ABTB2: variants seen among roughly 807,000 people sequenced by gnomAD.
ABTB2 encodes the protein ankyrin repeat and BTB/POZ domain-containing protein 2.
ABTB2 carries 56 observed loss-of-function variants against 104.1 expected under a neutral mutation model. The ratio of observed to expected loss-of-function variants is 0.54; its 90% CI spans 0.43 to 0.67. The LOEUF (loss-of-function observed/expected upper bound fraction) is 0.67, where lower values mean the gene tolerates loss of function less well. Ranked by LOEUF, ABTB2 falls within the 30% of genes least tolerant of loss-of-function variation. ABTB2 has a pLI of 0.00. For synonymous variants in ABTB2, 606 were observed against 608.2 expected (o/e 1.00, Z 0.05); for missense variants, 1,279 against 1,407.7 (o/e 0.91, Z 1.46).
At chr11:34,288,454 G>A (rs182859462) in intron 1 of ABTB2, among the ~76,000 whole-genome samples, 5 of 152,264 alleles carry the variant, frequency 3.3e-5, no homozygotes, top group Admixed American at 2.6e-4. Flanking sequence ...AACAATCAAA[G>A]ATTTCCAATA....
chr11:34,195,384 C>T (rs906715634), intron 3 of ABTB2, among the ~76,000 whole-genome samples: 10 of 152,242 alleles, frequency 6.6e-5, no homozygotes, highest in Non-Finnish European at 1.0e-4. Flanking sequence ...TTGGCCCCAG[C>T]TCCCGCCAAA....
In ABTB2 at chr11:34,161,024, G is replaced by C; in HGVS notation, c.2276C>G (p.Ser759Trp). Residue 759 changes from serine (S) to tryptophan (W), a missense_variant, in exon 11 of 17, where the codon TCG (serine) becomes TGG (tryptophan). Ser to Trp is a radical substitution (Grantham distance 177, BLOSUM62 -3). Transcript: ENST00000435224. ...IESLRTSFSQSRYSVVQSLLR... is the reference protein window; with the variant it reads ...IESLRTSFSQWRYSVVQSLLR... ...GAGGCTCTGCACCACCGAGTACCGC[G>C]ACTGCGAGAACGAGGTCCTCAGAGA... is the stretch of plus-strand genomic sequence containing the variant. The C allele has an allele frequency of 6.2e-7, 1 of 1,613,434 alleles. No homozygotes were observed. Among genetic ancestry groups the C allele is most frequent in the Non-Finnish European group, 8.5e-7 (1 of 1,179,786 alleles).
rs374350991 is a variant in ABTB2 at position 34,342,514 on chromosome 11, G to A, written c.883+14187C>T. ...ACTTCAGAGCTCAAAGAGCCCGGCT[G>A]TGTCATTGACTAGCTATGTCACCTG... On this transcript the variant is annotated intron_variant, in intron 1 of 16. Transcript: ENST00000435224. 4.6e-5 allele frequency among the ~76,000 whole-genome samples: 7 copies of A among 152,214 alleles called. No individual in the cohort carries two copies. In the East Asian group the frequency reaches 7.7e-4, roughly 17 times the overall value.
chr11:34,204,937 G>A (rs1251086895), intron 1 of ABTB2, among the ~76,000 whole-genome samples: 1 of 152,186 alleles, frequency 6.6e-6, no homozygotes, highest in Non-Finnish European at 1.5e-5. Context: ...GTTTCTTGGA[G>A]GTACTCAAGA....
intron 9 of ABTB2, among the ~76,000 whole-genome samples, chr11:34,163,297 T>A (rs1379533874): frequency 6.6e-6 from 1 of 152,212 alleles, no homozygotes. Flanking sequence ...GCCCAGTAAG[T>A]ACTCATTTGG....
chr11:34,185,215 T>C (rs1383678564), intron 3 of ABTB2, among the ~76,000 whole-genome samples: 2 of 152,188 alleles, frequency 1.3e-5, no homozygotes, highest in Non-Finnish European at 2.9e-5. Context: ...AGCAGTGGCG[T>C]GAGGGCTCTT....
chr11:34,271,156 C>A (rs1221785363), intron 1 of ABTB2, among the ~76,000 whole-genome samples: 2 of 152,252 alleles, frequency 1.3e-5, no homozygotes, highest in Non-Finnish European at 1.5e-5. Flanking sequence ...CTGAATTATT[C>A]AAGACAGGTC....
intron 3 of ABTB2, among the ~76,000 whole-genome samples, chr11:34,181,037 T>C (rs955746823): frequency 6.6e-5 from 10 of 152,184 alleles, no homozygotes; most frequent in Non-Finnish European, 1.5e-4. Context: ...CCTGAGTAGC[T>C]GGGACTATAG....
At chr11:34,315,693 C>T (rs1280939441) in intron 1 of ABTB2, among the ~76,000 whole-genome samples, 3 of 152,128 alleles carry the variant, frequency 2.0e-5, no homozygotes, top group African/African-American at 4.8e-5. Flanking sequence ...GGCCGTAGCC[C>T]GGAGGCTTTA....
At chr11:34,193,504 G>A (rs1337736401) in intron 3 of ABTB2, among the ~76,000 whole-genome samples, 5 of 152,252 alleles carry the variant, frequency 3.3e-5, no homozygotes, top group Non-Finnish European at 5.9e-5. Flanking sequence ...AAAGGCAAAG[G>A]CCTTGAGGTG....
At chr11:34,175,988 A>C (rs2467381) in intron 3 of ABTB2, among the ~76,000 whole-genome samples, 6,216 of 151,604 alleles carry the variant, frequency 0.041, 300 homozygotes, top group African/African-American at 0.11. Context: ...CCACCCCCCC[A>C]AAAAAAAGGG....
At position 34,247,178 on chromosome 11, in the gene ABTB2, G is replaced by A. The variant is rs983028441; in HGVS notation, c.884-42488C>T. On this transcript the variant is annotated intron_variant, in intron 1 of 16. Coordinates refer to ENST00000435224, the MANE Select transcript of ABTB2 (RefSeq NM_145804.3). Reference sequence around the variant, plus strand: ...AGTTCCATTTCTTAAGCTGGGCCAAGGCCTCTGGTGTGCAGCTGTCTTGGC... The same window carrying A: ...AGTTCCATTTCTTAAGCTGGGCCAAAGCCTCTGGTGTGCAGCTGTCTTGGC... Among the ~76,000 whole-genome samples, 3 of 152,224 alleles carry A rather than the reference G, an allele frequency of 2.0e-5. No homozygotes were observed. In the East Asian group the frequency reaches 5.8e-4, roughly 29 times the overall value.
intron 1 of ABTB2, among the ~76,000 whole-genome samples, chr11:34,243,026 C>T (rs1853938768): frequency 6.6e-6 from 1 of 152,164 alleles, no homozygotes; most frequent in African/African-American, 2.4e-5. Context: ...GCCCACCTCA[C>T]TGACAGTCCG....
At chr11:34,295,007 C>T (rs1001636539) in intron 1 of ABTB2, among the ~76,000 whole-genome samples, 4 of 152,082 alleles carry the variant, frequency 2.6e-5, no homozygotes, top group African/African-American at 9.7e-5. Flanking sequence ...AGCCACCACG[C>T]CGGGCCTCTA....
At chr11:34,283,324 T>C (rs954086652) in intron 1 of ABTB2, among the ~76,000 whole-genome samples, 2 of 152,058 alleles carry the variant, frequency 1.3e-5, no homozygotes, top group African/African-American at 4.8e-5. Context: ...CAAGTGATTC[T>C]CATGTCTCAG....
intron 14 of ABTB2, 29 bp downstream of exon 14, chr11:34,159,267 A>G (rs759245757): frequency 6.4e-7 from 1 of 1,563,264 alleles, no homozygotes; most frequent in East Asian, 2.3e-5. Flanking sequence ...CATCCCTCTG[A>G]GAAGAGGGCG....
chr11:34,211,152 A>C (rs1190828496), intron 1 of ABTB2, among the ~76,000 whole-genome samples: 1 of 152,202 alleles, frequency 6.6e-6, no homozygotes, highest in East Asian at 1.9e-4. Context: ...TCTGTCACCC[A>C]AGCTGGAGTG....
intron 7 of ABTB2, among the ~76,000 whole-genome samples, chr11:34,166,516 G>C (rs1038553042): frequency 5.3e-5 from 8 of 152,278 alleles, no homozygotes; most frequent in African/African-American, 1.9e-4. Context: ...CTGAGTCCTT[G>C]TGATAGGCTA....
intron 1 of ABTB2, among the ~76,000 whole-genome samples, chr11:34,217,103 C>T (rs142277906): frequency 2.6e-4 from 40 of 152,336 alleles, no homozygotes; most frequent in Non-Finnish European, 4.7e-4. Flanking sequence ...TGCCTCTAAG[C>T]TGTTATTCTG....
Sources: allele counts gnomAD v4.1 joint callset (sites outside exome capture counted in the v4.1 genomes callset), GRCh38; gene constraint gnomAD v4.1.1; transcripts MANE v1.5; gene names NCBI Gene and HGNC (gene_info 2026-07-23, HGNC 2026-07-21).